The following SYTL4 variants were observed in gnomAD, a reference collection of about 807,000 sequenced individuals.
The protein encoded by SYTL4 is synaptotagmin-like protein 4.
A neutral mutation model predicts 52.7 loss-of-function variants in SYTL4; 16 were observed. The observed-to-expected ratio is 0.30, with a 90% confidence interval of 0.21 to 0.46. The LOEUF (loss-of-function observed/expected upper bound fraction) is 0.46, where lower values mean the gene tolerates loss of function less well. Among genes scored for constraint, SYTL4 ranks in the 20% least tolerant of loss-of-function variants. The probability of loss-of-function intolerance (pLI) is 1.00; values close to 1 mark genes in which losing one functional copy is unlikely to be tolerated. For synonymous variants in SYTL4, 160 were observed against 186.6 expected (o/e 0.86, Z 1.16); for missense variants, 423 against 519.9 (o/e 0.81, Z 1.81).
intron 15 of SYTL4, chrX:100,686,435 A>T: frequency 2.6e-6 from 1 of 390,511 alleles, no homozygotes; most frequent in South Asian, 6.0e-5. Context: ...TCCTTATCTC[A>T]AATGTCTTTT....
chrX:100,682,270 GA>G (rs1569374713), intron 16 of SYTL4, among the ~76,000 whole-genome samples: 1 of 111,856 alleles, frequency 8.9e-6, no homozygotes, highest in African/African-American at 3.3e-5. Flanking sequence ...ATAGGGAAAT[GA>G]AAGACAACTT....
chrX:100,730,028 T>C (rs1427582032), intron 2 of SYTL4, among the ~76,000 whole-genome samples: 1 of 111,276 alleles, frequency 9.0e-6, no homozygotes, highest in East Asian at 2.8e-4. Flanking sequence ...CTCTCTGGTA[T>C]GGCTGTCAGG....
Position 100,705,939 on chromosome X carries a change from T to G in SYTL4, c.-239-1053A>C, listed in dbSNP as rs956728143. 4.4e-4 allele frequency among the ~76,000 whole-genome samples: 49 copies of G among 111,315 alleles called. No individual in the cohort carries two copies. In the Admixed American group the frequency reaches 4.5e-3, roughly 10 times the overall value. On this transcript the variant is annotated intron_variant, in intron 2 of 19. Coordinates refer to ENST00000372989, the MANE Select transcript of SYTL4 (RefSeq NM_001370165.1). Reference sequence around the variant, plus strand: ...CAACTTTATCAAGACCACAGTCTCTTGAGCCCCACATTGTCTCTTGGTCCA... The same window carrying G: ...CAACTTTATCAAGACCACAGTCTCTGGAGCCCCACATTGTCTCTTGGTCCA...
chrX:100,686,409 G>T, intron 15 of SYTL4: 1 of 384,958 alleles, frequency 2.6e-6, no homozygotes, highest in Non-Finnish European at 4.4e-6. Flanking sequence ...TGTCCAAAAA[G>T]AACTGCCAAG....
chrX:100,699,131 C>T (rs2083779725), intron 8 of SYTL4, among the ~76,000 whole-genome samples: 1 of 111,113 alleles, frequency 9.0e-6, no homozygotes, highest in African/African-American at 3.3e-5. Context: ...TTTTGGGAGA[C>T]CAAGGCAGGT....
intron 9 of SYTL4, 128 bp downstream of exon 9, chrX:100,690,980 G>T (rs766772962): frequency 4.2e-5 from 21 of 501,749 alleles, no homozygotes; most frequent in Non-Finnish European, 7.2e-5. Flanking sequence ...CTACTGAAAA[G>T]ACTTCTGTTG....
intron 2 of SYTL4, among the ~76,000 whole-genome samples, chrX:100,724,004 G>A (rs1369512386): frequency 3.1e-5 from 3 of 96,180 alleles, no homozygotes; most frequent in South Asian, 4.9e-4. Flanking sequence ...CGCCCCGTCC[G>A]GGAGGGAGGT....
chrX:100,696,421 T>A (rs1219283877), intron 8 of SYTL4, among the ~76,000 whole-genome samples: 1 of 112,133 alleles, frequency 8.9e-6, no homozygotes, highest in Non-Finnish European at 1.9e-5. Flanking sequence ...TCAGTCTTTT[T>A]AATTTTAGTC....
At chrX:100,691,264 G>T in intron 8 of SYTL4, 55 bp from the exon 9 acceptor site, 1 of 895,117 alleles carries the variant, frequency 1.1e-6, no homozygotes, top group Non-Finnish European at 1.6e-6. Flanking sequence ...CCTGCCTCTA[G>T]TCAGGCCTCT....
At chrX:100,697,896 T>C (rs781052775) in intron 8 of SYTL4, among the ~76,000 whole-genome samples, 2 of 110,012 alleles carry the variant, frequency 1.8e-5, no homozygotes, top group South Asian at 7.9e-4. Context: ...TAAAAGAAAA[T>C]GACAAAAATA....
intron 2 of SYTL4, among the ~76,000 whole-genome samples, chrX:100,722,760 T>C (rs773944880): frequency 8.9e-6 from 1 of 112,045 alleles, no homozygotes; most frequent in Non-Finnish European, 1.9e-5. Context: ...CAGATTTCTC[T>C]AAGGAATTGT....
intron 16 of SYTL4, among the ~76,000 whole-genome samples, chrX:100,683,454 G>A (rs1372238070): frequency 9.1e-6 from 1 of 110,457 alleles, no homozygotes; most frequent in Non-Finnish European, 1.9e-5. Context: ...GTGTTAATTG[G>A]GGTTCCTCTA....
At chrX:100,687,671 G>C (rs2083501079) in intron 13 of SYTL4, 1 of 121,840 alleles carries the variant, frequency 8.2e-6, no homozygotes, top group African/African-American at 3.2e-5. Flanking sequence ...TCCACCTTAT[G>C]TCTTATCAGG....
chrX:100,686,690 C>G lies in SYTL4; in HGVS notation c.1276G>C (p.Glu426Gln). Residue 426 changes from glutamate to glutamine, a missense_variant, in exon 15 of 20, where the codon GAG becomes CAG. By Grantham distance (29) the Glu-to-Gln change is conservative. Transcript: ENST00000372989. ...KRDTINPLYDETLRYEIPESL... is the reference protein window; with the variant it reads ...KRDTINPLYDQTLRYEIPESL... ...GTCTAGATACTTACCCTCAGCGTCT[C>G]ATCATATAGTGGATTAATAGTGTCC... 8.3e-7 allele frequency: 1 copy of G among 1,205,125 alleles called. No individual in the cohort carries two copies.
chrX:100,689,757 A>G, intron 12 of SYTL4, 99 bp downstream of exon 12: 1 of 463,259 alleles, frequency 2.2e-6, no homozygotes, highest in African/African-American at 2.5e-5. Context: ...GCCTTTTCTT[A>G]AAGAATTAAA....
chrX:100,685,613 C>G (rs2083459238), intron 16 of SYTL4: 1 of 120,232 alleles, frequency 8.3e-6, no homozygotes, highest in Non-Finnish European at 1.7e-5. Flanking sequence ...TGCTTTACTT[C>G]CCACTTGGAA....
chrX:100,713,094 C>CAT (rs1464600897), intron 2 of SYTL4, among the ~76,000 whole-genome samples: 1 of 112,182 alleles, frequency 8.9e-6, no homozygotes. Context: ...AAAAGTTAAA[C>CAT]ATATATCTCC....
intron 17 of SYTL4, among the ~76,000 whole-genome samples, chrX:100,680,867 A>G (rs2083360165): frequency 9.0e-6 from 1 of 111,188 alleles, no homozygotes; most frequent in African/African-American, 3.3e-5. Flanking sequence ...AGCAGCTGGC[A>G]TGTTGAATTA....
intron 2 of SYTL4, among the ~76,000 whole-genome samples, chrX:100,714,451 G>T (rs1024503258): frequency 9.0e-6 from 1 of 110,709 alleles, no homozygotes; most frequent in Non-Finnish European, 1.9e-5. Flanking sequence ...AGTAGAGACA[G>T]GGTTTCACCG....
Sources: gnomAD v4.1 joint callset for allele counts (sites outside exome capture counted in the v4.1 genomes callset) on GRCh38, gnomAD v4.1.1 for gene constraint, MANE v1.5 for transcripts, NCBI Gene and HGNC (gene_info 2026-07-23, HGNC 2026-07-21) for gene names.